The following VIRMA variants were observed in gnomAD, a reference collection of about 807,000 sequenced individuals.
VIRMA encodes vir like m6A methyltransferase associated, also known as protein virilizer homolog.
In VIRMA, 65 loss-of-function variants were observed where a neutral mutation model predicts 182.4. That is an observed-to-expected ratio of 0.36 (90% CI 0.29 to 0.44). The LOEUF (loss-of-function observed/expected upper bound fraction) is 0.44, where lower values mean the gene tolerates loss of function less well. VIRMA is among the 20% of genes least tolerant of loss of function. VIRMA has a pLI of 1.00. For synonymous variants in VIRMA, 709 were observed against 743.1 expected (o/e 0.95, Z 0.75); for missense variants, 1,752 against 2,158.1 (o/e 0.81, Z 3.73).
Position 94,519,001 on chromosome 8 carries a change from A to G in VIRMA, c.2497T>C (p.Ser833Pro), listed in dbSNP as rs1471989587. The part of the protein sequence containing the change: ...QSLITLMEYY[S>P]KEALGDSKSK... ...GGAAATTACCCCAAGGCTTCTTTGGAATAGTACTCCATTAGAGTAATAAGA... is the reference window on the plus strand; with the variant it reads ...GGAAATTACCCCAAGGCTTCTTTGGGATAGTACTCCATTAGAGTAATAAGA... Residue 833 changes from serine (S) to proline (P), a missense_variant, in exon 9 of 24, where the codon TCC (serine) becomes CCC (proline). This residue lies in a region of VIRMA where 777 missense variants were observed against 920.6 expected (regional missense o/e 0.84). Transcript: ENST00000297591. The G allele has an allele frequency of 6.2e-7, 1 of 1,607,988 alleles. No homozygotes were observed. Among genetic ancestry groups the G allele is most frequent in the South Asian group, 1.1e-5 (1 of 89,320 alleles).
At chr8:94,521,446 A>G (rs1814766196) in intron 8 of VIRMA, among the ~76,000 whole-genome samples, 1 of 152,238 alleles carries the variant, frequency 6.6e-6, no homozygotes. Context: ...GAACCAAAAC[A>G]TCGTATTTTT....
At chr8:94,528,365 T>C (rs1586097095) in intron 7 of VIRMA, among the ~76,000 whole-genome samples, 1 of 150,684 alleles carries the variant, frequency 6.6e-6, no homozygotes, top group Non-Finnish European at 1.5e-5. Context: ...AAAAATCACA[T>C]GATAATCTAG....
chr8:94,544,403 T>C (rs1468962282), intron 1 of VIRMA, among the ~76,000 whole-genome samples: 1 of 152,092 alleles, frequency 6.6e-6, no homozygotes, highest in Non-Finnish European at 1.5e-5. Flanking sequence ...CCGGGCGCAG[T>C]GGCTCACACC....
At chr8:94,494,336 A>G (rs1387866691) in intron 20 of VIRMA, among the ~76,000 whole-genome samples, 1 of 151,960 alleles carries the variant, frequency 6.6e-6, no homozygotes, top group Non-Finnish European at 1.5e-5. Flanking sequence ...TCACGCCTGT[A>G]ATCTCAGCAC....
intron 17 of VIRMA, chr8:94,497,551 C>T: frequency 6.6e-6 from 1 of 152,334 alleles, no homozygotes; most frequent in Non-Finnish European, 1.5e-5. Context: ...CAGGCATCCA[C>T]CACCAAGCCC....
chr8:94,501,255 CAAAAAAAA>C (rs55726504), intron 16 of VIRMA, among the ~76,000 whole-genome samples: 1 of 72,866 alleles, frequency 1.4e-5, no homozygotes, highest in African/African-American at 6.1e-5. Context: ...GATTCCATCT[CAAAAAAAA>C]AAAAAAAAAA....
At chr8:94,536,088 A>C (rs940021314) in intron 4 of VIRMA, among the ~76,000 whole-genome samples, 1 of 152,204 alleles carries the variant, frequency 6.6e-6, no homozygotes, top group Non-Finnish European at 1.5e-5. Flanking sequence ...ATATTGGGTA[A>C]AGACAAAGTT....
intron 16 of VIRMA, among the ~76,000 whole-genome samples, chr8:94,503,942 G>T (rs1814071673): frequency 1.3e-5 from 2 of 152,012 alleles, no homozygotes; most frequent in Non-Finnish European, 2.9e-5. Context: ...TGAGGCCAAG[G>T]CAGGAGGATC....
chr8:94,514,574 T>C (rs1803575774), intron 11 of VIRMA, among the ~76,000 whole-genome samples: 1 of 152,230 alleles, frequency 6.6e-6, no homozygotes, highest in Admixed American at 6.5e-5. Flanking sequence ...AAAACACTTA[T>C]AAATGTCATC....
intron 1 of VIRMA, among the ~76,000 whole-genome samples, chr8:94,550,584 G>A (rs764671907): frequency 9.9e-5 from 15 of 152,102 alleles, no homozygotes; most frequent in South Asian, 4.1e-4. Context: ...GAGCCACGGC[G>A]CCTGGCCTTC....
At position 94,488,472 on chromosome 8, in the gene VIRMA, A is replaced by C. The variant is rs1186865605; in HGVS notation, c.*234T>G. 4 of 385,462 alleles carry C rather than the reference A, an allele frequency of 1.0e-5. No homozygotes were observed. The highest frequency in any genetic ancestry group is 1.9e-5 in the Non-Finnish European group (4 of 215,044). The allele number at this position is 385,462 out of a possible 1,614,324, so 23.9% of individuals were successfully genotyped here. A position where few individuals can be genotyped will look rare whatever the true frequency, so the allele number is the denominator to read the frequency against. ...ACATCATTTAGTTTTTCACCTAGAA[A>C]TTTTCTAAATAAATAGTCATACAAA... On this transcript the variant is annotated 3_prime_UTR_variant, in exon 24 of 24. Coordinates refer to ENST00000297591, the MANE Select transcript of VIRMA (RefSeq NM_015496.5).
intron 10 of VIRMA, among the ~76,000 whole-genome samples, chr8:94,517,039 C>T (rs1314796615): frequency 6.6e-6 from 1 of 152,156 alleles, no homozygotes; most frequent in African/African-American, 2.4e-5. Context: ...ATTCGATACA[C>T]ATTTATATAC....
intron 22 of VIRMA, among the ~76,000 whole-genome samples, chr8:94,490,957 TTAAGTA>T (rs1813586311): frequency 6.6e-6 from 1 of 151,886 alleles, no homozygotes; most frequent in Admixed American, 6.6e-5. Context: ...AAGAAAACTG[TTAAGTA>T]TAATTGTGAA....
chr8:94,500,774 CTG>C (rs1467747026), intron 16 of VIRMA, among the ~76,000 whole-genome samples: 4 of 149,304 alleles, frequency 2.7e-5, no homozygotes, highest in Non-Finnish European at 5.9e-5. Context: ...GAAATGAAAA[CTG>C]AGATTCACAC....
Position 94,535,086 on chromosome 8 carries a change from T to C in VIRMA, c.316-79A>G, listed in dbSNP as rs146881482. Reference sequence around the variant, plus strand: ...AGAAGTTAGCTGATACCAAATTAGATTGTGGTTCAACTAAAGTCTTTAAAA... The same window carrying C: ...AGAAGTTAGCTGATACCAAATTAGACTGTGGTTCAACTAAAGTCTTTAAAA... On this transcript the variant is annotated intron_variant, in intron 4 of 23. Coordinates refer to ENST00000297591, the MANE Select transcript of VIRMA (RefSeq NM_015496.5). 1,038 of 1,507,982 alleles carry C rather than the reference T, an allele frequency of 6.9e-4. 13 individuals are homozygous for C. In the Admixed American group the frequency reaches 0.021, roughly 31 times the overall value. The allele number at this position is 1,507,982 out of a possible 1,614,324, so 93.4% of individuals were successfully genotyped here.
intron 1 of VIRMA, among the ~76,000 whole-genome samples, chr8:94,550,765 C>T (rs1048661044): frequency 1.3e-5 from 2 of 152,154 alleles, no homozygotes; most frequent in Non-Finnish European, 2.9e-5. Flanking sequence ...GTCGCACAGG[C>T]TGGAGTGCAG....
chr8:94,515,389 T>C (rs1215091563), intron 10 of VIRMA, among the ~76,000 whole-genome samples: 3 of 151,936 alleles, frequency 2.0e-5, no homozygotes, highest in Non-Finnish European at 2.9e-5. Context: ...TCTAATTCTT[T>C]AAACAAGTTT....
chr8:94,529,760 C>G (rs1385725783), intron 6 of VIRMA, among the ~76,000 whole-genome samples: 1 of 152,076 alleles, frequency 6.6e-6, no homozygotes, highest in Admixed American at 6.6e-5. Flanking sequence ...CTCCCTCAGT[C>G]TCCTGAGTAG....
chr8:94,525,649 A>G (rs1814933182), intron 8 of VIRMA, among the ~76,000 whole-genome samples: 1 of 152,204 alleles, frequency 6.6e-6, no homozygotes, highest in African/African-American at 2.4e-5. Flanking sequence ...TTAGGAAATT[A>G]TTTACAGGCA....
Sources: gnomAD v4.1 joint callset for allele counts (sites outside exome capture counted in the v4.1 genomes callset) on GRCh38, gnomAD v4.1.1 for gene constraint, gnomAD v4.1.1 regional missense constraint, MANE v1.5 for transcripts, NCBI Gene and HGNC (gene_info 2026-07-23, HGNC 2026-07-21) for gene names.